Variants in SERBP1 observed in about 807,000 individuals in gnomAD.
The protein encoded by SERBP1 is SERPINE1 mRNA binding protein 1, also known as SERPINE1 mRNA-binding protein 1.
A neutral mutation model predicts 50.2 loss-of-function variants in SERBP1; 6 were observed. That is an observed-to-expected ratio of 0.12 (90% CI 0.07 to 0.24). The LOEUF is 0.24. Ranked by LOEUF, SERBP1 falls within the 10% of genes least tolerant of loss-of-function variation. The pLI, the probability that SERBP1 is intolerant of heterozygous loss-of-function variation, is 1.00. For missense variants in SERBP1, 346 were observed against 524.9 expected (o/e 0.66, Z 3.33); for synonymous variants, 168 against 182.8 (o/e 0.92, Z 0.65).
At chr1:67,419,708 A>T in intron 6 of SERBP1, 1 of 280,912 alleles carries the variant, frequency 3.6e-6, no homozygotes, top group Non-Finnish European at 6.7e-6. Context: ...ATACAACCAC[A>T]ACTTTGAAAA....
In SERBP1 at chr1:67,408,234, A is replaced by G. The variant is rs937940017; in HGVS notation, c.*4973T>C. Reference sequence around the variant, plus strand: ...GAACCAATTATCTAAATAGATTTCTAAAAGTCCATAATGAATCAGAACTCA... The same window carrying G: ...GAACCAATTATCTAAATAGATTTCTGAAAGTCCATAATGAATCAGAACTCA... On this transcript the variant is annotated 3_prime_UTR_variant, in exon 8 of 8. Coordinates refer to ENST00000361219, the MANE Select transcript of SERBP1 (RefSeq NM_001018069.2). 1 of 152,200 alleles carries G rather than the reference A, an allele frequency of 6.6e-6. No individual in the cohort carries two copies. The highest frequency in any genetic ancestry group is 1.5e-5 in the Non-Finnish European group (1 of 68,040). The allele number at this position is 152,200 out of a possible 1,614,324, so 9.4% of individuals were successfully genotyped here.
At chr1:67,416,250 C>T (rs1002485305) in intron 6 of SERBP1, among the ~76,000 whole-genome samples, 1 of 152,172 alleles carries the variant, frequency 6.6e-6, no homozygotes, top group Non-Finnish European at 1.5e-5. Flanking sequence ...TAGGCTCAAG[C>T]GATCCGCTGG....
intron 4 of SERBP1, 59 bp downstream of exon 4, chr1:67,424,829 A>G: frequency 1.6e-6 from 2 of 1,262,706 alleles, no homozygotes; most frequent in South Asian, 1.2e-5. Flanking sequence ...AAAATTTGAC[A>G]GAGGTATGGA....
chr1:67,415,384 A>G, intron 6 of SERBP1, 45 bp from the exon 7 acceptor site: 1 of 1,469,152 alleles, frequency 6.8e-7, no homozygotes, highest in Non-Finnish European at 9.0e-7. Context: ...TAGAAAAGTA[A>G]CATTGCAAAA....
chr1:67,419,013 T>A (rs1235477422), intron 6 of SERBP1, among the ~76,000 whole-genome samples: 1 of 152,070 alleles, frequency 6.6e-6, no homozygotes, highest in Non-Finnish European at 1.5e-5. Context: ...ACTGAAACAT[T>A]CCTCTAAGAA....
At chr1:67,421,602 C>A (rs573733883) in intron 5 of SERBP1, among the ~76,000 whole-genome samples, 1 of 152,160 alleles carries the variant, frequency 6.6e-6, no homozygotes, top group Admixed American at 6.5e-5. Flanking sequence ...TACATTAGTA[C>A]CTTTTGGTAA....
rs193189797 is a variant in SERBP1, at chr1:67,428,230, G to A, written c.313+1758C>T. Among the ~76,000 whole-genome samples the A allele has an allele frequency of 1.7e-3, 263 of 152,316 alleles. 6 individuals carry two copies. The highest frequency in any genetic ancestry group is 0.016 in the Admixed American group (241 of 15,298). On this transcript the variant is annotated intron_variant, in intron 1 of 7. Transcript: ENST00000361219. ...AAGGAAAATGCTGATTGCTAACATG[G>A]AATAGTTTTCCCATGGAAAGACTCA...
intron 5 of SERBP1, among the ~76,000 whole-genome samples, chr1:67,423,205 A>G (rs1667259287): frequency 6.6e-6 from 1 of 151,962 alleles, no homozygotes; most frequent in Non-Finnish European, 1.5e-5. Context: ...AGGCTGAGGC[A>G]GGAGAATCGC....
rs1666756158 is a variant in SERBP1 at position 67,409,424 on chromosome 1, CA to C, written c.*3782del. 2 of 58,282 alleles carry C rather than the reference CA, an allele frequency of 3.4e-5. No individual in the cohort carries two copies. Among genetic ancestry groups the C allele is most frequent in the Non-Finnish European group, 8.7e-5 (2 of 23,012 alleles). The allele number at this position is 58,282 out of a possible 1,614,324, so 3.6% of individuals were successfully genotyped here. ...ACACACACACACACACACACACCCC[CA>C]CACACACCAGGTCACAGGCTGAACT... On this transcript the variant is annotated 3_prime_UTR_variant, in exon 8 of 8. Transcript: ENST00000361219.
chr1:67,420,060 A>T lies in SERBP1; in HGVS notation c.900T>A (p.Ala300=), dbSNP rs745534698. ...CAAATCCCTTCTTCCACTGCCCATC[A>T]GCACCTTCATTTGGTTTTCGGATAT... The part of the protein sequence containing the change: ...EFNIRKPNEG[A]DGQWKKGFVL... Residue 300 remains alanine (A), a synonymous_variant, in exon 6 of 8, where the codon GCT becomes GCA. Coordinates refer to ENST00000361219, the MANE Select transcript of SERBP1 (RefSeq NM_001018069.2). 71 of 1,613,538 alleles carry T rather than the reference A, an allele frequency of 4.4e-5. No individual in the cohort carries two copies. The highest frequency in any genetic ancestry group is 2.3e-4 in the Admixed American group (14 of 59,982).
intron 1 of SERBP1, among the ~76,000 whole-genome samples, chr1:67,427,903 T>C (rs1054827949): frequency 5.3e-5 from 8 of 152,230 alleles, no homozygotes; most frequent in African/African-American, 1.9e-4. Context: ...CTCAATGACA[T>C]TCTGCTGTCA....
Position 67,409,780 on chromosome 1 carries a change from CAACCTGACAATTAT to C in SERBP1, c.*3413_*3426del, listed in dbSNP as rs1163109507. The stretch of plus-strand genomic sequence containing the variant: ...GGGAAGCTGCCACTTACTATTAACT[CAACCTGACAATTAT>C]CTTGCAAATGATATTGATAAATCAT... On this transcript the variant is annotated 3_prime_UTR_variant, in exon 8 of 8. Coordinates refer to ENST00000361219, the MANE Select transcript of SERBP1 (RefSeq NM_001018069.2). 1 of 152,162 alleles carries C rather than the reference CAACCTGACAATTAT, an allele frequency of 6.6e-6. No homozygotes were observed. Among genetic ancestry groups the C allele is most frequent in the East Asian group, 1.9e-4 (1 of 5,200 alleles). 9.4% of individuals were successfully genotyped at this position (152,162 alleles called of 1,614,324 possible). A position where few individuals can be genotyped will look rare whatever the true frequency, so the allele number is the denominator to read the frequency against.
intron 1 of SERBP1, among the ~76,000 whole-genome samples, chr1:67,428,344 T>C (rs1371320111): frequency 6.6e-6 from 1 of 152,216 alleles, no homozygotes; most frequent in Non-Finnish European, 1.5e-5. Flanking sequence ...AGGTAAGAGC[T>C]TATTTCATAG....
chr1:67,413,072 T>G lies in SERBP1; in HGVS notation c.*135A>C. On this transcript the variant is annotated 3_prime_UTR_variant, in exon 8 of 8. Transcript: ENST00000361219. ...AGTTCATTTTTAAAACAGATAAAAT[T>G]CAGTCTTTAGGTGTGAATGGTATGA... is the stretch of plus-strand genomic sequence containing the variant. The G allele has an allele frequency of 8.8e-7, 1 of 1,142,468 alleles. No homozygotes were observed. Among genetic ancestry groups the G allele is most frequent in the South Asian group, 1.7e-5 (1 of 57,174 alleles). The allele number at this position is 1,142,468 out of a possible 1,614,324, so 70.8% of individuals were successfully genotyped here.
At chr1:67,423,562 A>G (rs1570298354) in intron 5 of SERBP1, among the ~76,000 whole-genome samples, 1 of 150,386 alleles carries the variant, frequency 6.6e-6, no homozygotes, top group Admixed American at 6.7e-5. Flanking sequence ...AGCCAAGATC[A>G]CTCCACTGCA....
chr1:67,415,947 TAA>T (rs981661028), intron 6 of SERBP1, among the ~76,000 whole-genome samples: 4 of 150,378 alleles, frequency 2.7e-5, no homozygotes, highest in African/African-American at 9.8e-5. Flanking sequence ...ACACTTTACA[TAA>T]AGAGGGGAAT....
intron 6 of SERBP1, among the ~76,000 whole-genome samples, chr1:67,417,663 C>A (rs1291291858): frequency 6.6e-6 from 1 of 152,036 alleles, no homozygotes; most frequent in Non-Finnish European, 1.5e-5. Context: ...CAGGTGCACG[C>A]AACCACATCC....
intron 7 of SERBP1, among the ~76,000 whole-genome samples, chr1:67,414,480 T>G (rs1666943003): frequency 6.6e-6 from 1 of 152,152 alleles, no homozygotes; most frequent in Admixed American, 6.5e-5. Context: ...GTCCCCAAAT[T>G]TGTGTGTAAG....
chr1:67,412,428 A>T lies in SERBP1; in HGVS notation c.*779T>A, dbSNP rs572687259. ...TAGTTTAAACAACTTTCACCAATTA[A>T]GATGTCTAGTTTAGATTTTAAAATG... On this transcript the variant is annotated 3_prime_UTR_variant, in exon 8 of 8. Coordinates refer to ENST00000361219, the MANE Select transcript of SERBP1 (RefSeq NM_001018069.2). 1 of 152,664 alleles carries T rather than the reference A, an allele frequency of 6.6e-6. No individual in the cohort carries two copies. Among genetic ancestry groups the T allele is most frequent in the South Asian group, 2.1e-4 (1 of 4,834 alleles). 9.5% of individuals were successfully genotyped at this position (152,664 alleles called of 1,614,324 possible). A position where few individuals can be genotyped will look rare whatever the true frequency, so the allele number is the denominator to read the frequency against.
Sources: allele counts gnomAD v4.1 joint callset (sites outside exome capture counted in the v4.1 genomes callset), GRCh38; gene constraint gnomAD v4.1.1; transcripts MANE v1.5; gene names NCBI Gene and HGNC (gene_info 2026-07-23, HGNC 2026-07-21).